Variants in DENND2C observed in about 807,000 individuals in gnomAD.
The protein encoded by DENND2C is DENN domain-containing protein 2C.
DENND2C carries 72 observed loss-of-function variants against 112.4 expected under a neutral mutation model. The ratio of observed to expected loss-of-function variants is 0.64; its 90% CI spans 0.53 to 0.78. The LOEUF is 0.78. Ranked by LOEUF, DENND2C falls within the 30% of genes least tolerant of loss-of-function variation. The pLI is 0.00. For missense variants in DENND2C, 992 were observed against 1,113.8 expected, an observed-to-expected ratio of 0.89 and a Z score of 1.56; for synonymous variants, 329 against 381.6, an observed-to-expected ratio of 0.86 and a Z score of 1.61.
chr1:114,646,464 T>G (rs1656992397), intron 2 of DENND2C, among the ~76,000 whole-genome samples: 1 of 152,186 alleles, frequency 6.6e-6, no homozygotes, highest in Non-Finnish European at 1.5e-5. Context: ...ACTTCTCATT[T>G]TCAAAGGATT....
chr1:114,605,120 G>C (rs1361216092), intron 10 of DENND2C, 89 bp from the exon 11 acceptor site: 1 of 924,214 alleles, frequency 1.1e-6, no homozygotes, highest in African/African-American at 1.7e-5. Context: ...CAGGAAAAAA[G>C]GTCTCTGATA....
Position 114,623,591 on chromosome 1 carries a change from T to G in DENND2C, c.859A>C (p.Thr287Pro), listed in dbSNP as rs572772398. ...IQHFRNRNSQTIREELGRNSG... is the reference protein window; with the variant it reads ...IQHFRNRNSQPIREELGRNSG... Reference sequence around the variant, plus strand: ...TTTCTTCCAAGTTCTTCACGAATCGTCTGTGAGTTCCGATTTCGAAAGTGC... The same window carrying G: ...TTTCTTCCAAGTTCTTCACGAATCGGCTGTGAGTTCCGATTTCGAAAGTGC... The change falls in exon 5 of 21, where the codon ACG becomes CCG. Residue 287 changes from threonine to proline, a missense_variant. By Grantham distance (38) the Thr-to-Pro change is conservative. Coordinates refer to ENST00000393274, the MANE Select transcript of DENND2C (RefSeq NM_001256404.2). 1.7e-5 allele frequency: 27 copies of G among 1,608,246 alleles called. No homozygotes were observed. The highest frequency in any genetic ancestry group is 3.4e-5 in the Admixed American group (2 of 59,074).
chr1:114,627,245 G>A (rs178445), intron 3 of DENND2C, among the ~76,000 whole-genome samples: 124,666 of 152,200 alleles, frequency 0.82, 51,385 homozygotes, highest in South Asian at 0.89. Context: ...AAGCTTCAGC[G>A]GAAAACTTTT....
At chr1:114,647,179 G>A (rs888960911) in intron 2 of DENND2C, among the ~76,000 whole-genome samples, 92 of 149,214 alleles carry the variant, frequency 6.2e-4, no homozygotes, top group Admixed American at 4.0e-3. Flanking sequence ...AAAAGAGAGA[G>A]AGAGAGAGAG....
At chr1:114,630,474 T>A (rs1368464223) in intron 3 of DENND2C, among the ~76,000 whole-genome samples, 2 of 152,054 alleles carry the variant, frequency 1.3e-5, no homozygotes, top group Non-Finnish European at 2.9e-5. Context: ...AACAGACAGC[T>A]TAAGATTGTG....
chr1:114,593,208 G>A (rs1365979962), intron 18 of DENND2C, among the ~76,000 whole-genome samples: 1 of 152,058 alleles, frequency 6.6e-6, no homozygotes, highest in African/African-American at 2.4e-5. Context: ...TTGCTGGATA[G>A]TTCTCCTCCT....
At position 114,626,207 on chromosome 1, in the gene DENND2C, AAT is replaced by A. The variant is rs374110694; in HGVS notation, c.-204-21_-204-20del. 5.9e-4 allele frequency: 269 copies of A among 456,944 alleles called. 1 individual carries two copies. Among genetic ancestry groups the A allele is most frequent in the African/African-American group, 4.3e-3 (223 of 51,650 alleles). The allele number at this position is 456,944 out of a possible 1,614,324, so 28.3% of individuals were successfully genotyped here. A position where few individuals can be genotyped will look rare whatever the true frequency, so the allele number is the denominator to read the frequency against. ...AATAATCCTGTTAAAATGACACAAA[AAT>A]ATGTTAACACATTTTATAATTTCCT... On this transcript the variant is annotated intron_variant, in intron 3 of 20. Coordinates refer to ENST00000393274, the MANE Select transcript of DENND2C (RefSeq NM_001256404.2).
At chr1:114,592,536 C>T (rs572372600) in intron 18 of DENND2C, among the ~76,000 whole-genome samples, 5 of 151,770 alleles carry the variant, frequency 3.3e-5, no homozygotes, top group Admixed American at 6.6e-5. Flanking sequence ...TGGGCAACAT[C>T]GTGAAAGCCC....
At position 114,618,305 on chromosome 1, in the gene DENND2C, C is replaced by T. The variant is rs1244783764; in HGVS notation, c.1324+81G>A. 11 of 1,070,406 alleles carry T rather than the reference C, an allele frequency of 1.0e-5. No homozygotes were observed. In the South Asian group the frequency reaches 1.1e-4, roughly 11 times the overall value. The allele number at this position is 1,070,406 out of a possible 1,614,324, so 66.3% of individuals were successfully genotyped here. A position where few individuals can be genotyped will look rare whatever the true frequency, so the allele number is the denominator to read the frequency against. On this transcript the variant is annotated intron_variant, in intron 8 of 20. Transcript: ENST00000393274. ...GCCCGGCCCCAAAATTTTTAATACA[C>T]ATCAAACATTAAGTTATATGGTGAT...
chr1:114,655,834 C>T (rs1657289628), intron 1 of DENND2C, among the ~76,000 whole-genome samples: 1 of 147,884 alleles, frequency 6.8e-6, no homozygotes, highest in South Asian at 2.1e-4. Flanking sequence ...ACATAAAGTC[C>T]ACTAATCTTA....
intron 1 of DENND2C, among the ~76,000 whole-genome samples, chr1:114,668,359 C>A (rs1016214617): frequency 2.0e-5 from 3 of 152,166 alleles, no homozygotes; most frequent in Admixed American, 2.0e-4. Context: ...TTAATTTGAT[C>A]TTGGTATCCA....
At chr1:114,642,760 T>C (rs1375730515) in intron 3 of DENND2C, among the ~76,000 whole-genome samples, 1 of 152,184 alleles carries the variant, frequency 6.6e-6, no homozygotes, top group African/African-American at 2.4e-5. Flanking sequence ...GATATTTATT[T>C]TATAAGGTTG....
chr1:114,632,735 T>G (rs1265166886), intron 3 of DENND2C, among the ~76,000 whole-genome samples: 2 of 147,108 alleles, frequency 1.4e-5, no homozygotes, highest in African/African-American at 2.7e-5. Flanking sequence ...ACTTGTGGGG[T>G]TTTTTTTAAA....
intron 2 of DENND2C, among the ~76,000 whole-genome samples, chr1:114,646,411 G>A (rs529368773): frequency 1.4e-4 from 21 of 152,080 alleles, no homozygotes; most frequent in Admixed American, 3.3e-4. Flanking sequence ...TTTCCATAAC[G>A]TAATCAAAAA....
rs1490870775 is a variant in DENND2C, at chr1:114,621,977, G to A, written c.1145C>T (p.Thr382Ile). 1 of 1,550,876 alleles carries A rather than the reference G, an allele frequency of 6.4e-7. No homozygotes were observed. Among genetic ancestry groups the A allele is most frequent in the Non-Finnish European group, 8.7e-7 (1 of 1,147,052 alleles). ...TTCCGTTAAAGTGACCGGCAAAGTT[G>A]TATCTTTTGTAAGCTTTGACCGCAA... Reference protein sequence around the residue: ...AYLRSKLTKDTTLPVTLTEWK... With the variant: ...AYLRSKLTKDITLPVTLTEWK... Residue 382 changes from threonine (T) to isoleucine (I), a missense_variant, in exon 7 of 21, where the codon ACA becomes ATA. By Grantham distance (89) the Thr-to-Ile change is moderately conservative. Transcript: ENST00000393274.
chr1:114,665,625 G>C (rs1389047832), intron 1 of DENND2C, among the ~76,000 whole-genome samples: 1 of 152,100 alleles, frequency 6.6e-6, no homozygotes, highest in Non-Finnish European at 1.5e-5. Context: ...TAACCCTATC[G>C]AAAATTGAGG....
At chr1:114,638,224 TG>T (rs1350011569) in intron 3 of DENND2C, among the ~76,000 whole-genome samples, 3 of 151,988 alleles carry the variant, frequency 2.0e-5, no homozygotes, top group Non-Finnish European at 2.9e-5. Flanking sequence ...GGTATCTATC[TG>T]TAAAAAAAAA....
At chr1:114,640,545 TG>T (rs1656807351) in intron 3 of DENND2C, among the ~76,000 whole-genome samples, 1 of 152,218 alleles carries the variant, frequency 6.6e-6, no homozygotes, top group Admixed American at 6.5e-5. Flanking sequence ...TGTGTGCATG[TG>T]TGTGTGACCA....
intron 2 of DENND2C, among the ~76,000 whole-genome samples, chr1:114,652,826 C>T (rs868707970): frequency 9.9e-5 from 15 of 151,946 alleles, no homozygotes; most frequent in Middle Eastern, 3.4e-3. Context: ...GGACTACAGG[C>T]CCCATGCCTG....
Sources: gnomAD v4.1 joint callset for allele counts (sites outside exome capture counted in the v4.1 genomes callset) on GRCh38, gnomAD v4.1.1 for gene constraint, MANE v1.5 for transcripts, NCBI Gene and HGNC (gene_info 2026-07-23, HGNC 2026-07-21) for gene names.